Variants in SPATA16 observed in about 807,000 individuals in gnomAD.
The protein encoded by SPATA16 is spermatogenesis associated 16, also known as spermatogenesis-associated protein 16.
SPATA16 carries 36 observed loss-of-function variants against 63.3 expected under a neutral mutation model. The observed-to-expected ratio is 0.57, with a 90% CI of 0.44 to 0.75. SPATA16 has a LOEUF of 0.75. Among genes scored for constraint, SPATA16 ranks in the 30% least tolerant of loss-of-function variants. The pLI, the probability that SPATA16 is intolerant of heterozygous loss-of-function variation, is 0.00. For missense variants in SPATA16, 646 were observed against 679.3 expected, an observed-to-expected ratio of 0.95 and a Z score of 0.54; for synonymous variants, 203 against 216.7, an observed-to-expected ratio of 0.94 and a Z score of 0.56.
intron 5 of SPATA16, among the ~76,000 whole-genome samples, chr3:172,961,327 G>A (rs73175082): frequency 0.13 from 19,844 of 152,164 alleles, 1,656 homozygotes; most frequent in Non-Finnish European, 0.19. Flanking sequence ...TAGAAGATTA[G>A]ATCTGGAAGG....
At chr3:172,948,116 C>A (rs74827099) in intron 6 of SPATA16, among the ~76,000 whole-genome samples, 13,238 of 151,936 alleles carry the variant, frequency 0.087, 1,921 homozygotes, top group African/African-American at 0.3. Flanking sequence ...AAAAATATCA[C>A]TATTCAAGTA....
At chr3:173,008,987 C>G (rs1286082108) in intron 4 of SPATA16, among the ~76,000 whole-genome samples, 14 of 152,104 alleles carry the variant, frequency 9.2e-5, no homozygotes, top group Admixed American at 9.2e-4. Flanking sequence ...TTTTAGCAAA[C>G]TTTAAAATTC....
chr3:173,094,820 T>G (rs2108321785), intron 2 of SPATA16, among the ~76,000 whole-genome samples: 1 of 152,252 alleles, frequency 6.6e-6, no homozygotes, highest in South Asian at 2.1e-4. Flanking sequence ...CCATCTCCAG[T>G]CAGCCTCGGA....
chr3:173,061,007 C>T (rs557482602), intron 2 of SPATA16, among the ~76,000 whole-genome samples: 4 of 152,236 alleles, frequency 2.6e-5, no homozygotes, highest in African/African-American at 9.6e-5. Context: ...TCTAGGTTCT[C>T]CTGCAACTCA....
chr3:173,002,084 A>G (rs1026785969), intron 4 of SPATA16, among the ~76,000 whole-genome samples: 3 of 152,128 alleles, frequency 2.0e-5, no homozygotes, highest in East Asian at 3.8e-4. Flanking sequence ...ATAGATATTC[A>G]TTTAATTCTA....
chr3:172,959,299 A>G (rs73175080), intron 5 of SPATA16, among the ~76,000 whole-genome samples: 8,630 of 152,318 alleles, frequency 0.057, 349 homozygotes, highest in Non-Finnish European at 0.079. Flanking sequence ...GCTTTTAAAA[A>G]AGTGGCAGAA....
At chr3:173,040,117 T>C (rs1326058867) in intron 3 of SPATA16, among the ~76,000 whole-genome samples, 1 of 152,228 alleles carries the variant, frequency 6.6e-6, no homozygotes, top group Non-Finnish European at 1.5e-5. Context: ...TCTTCTCTTC[T>C]TCCTCCTCCT....
In SPATA16 at chr3:172,913,716, T is replaced by C; in HGVS notation, c.1532A>G (p.Asp511Gly). 1 of 1,613,810 alleles carries C rather than the reference T, an allele frequency of 6.2e-7. No homozygotes were observed. The highest frequency in any genetic ancestry group is 8.5e-7 in the Non-Finnish European group (1 of 1,179,810). The stretch of plus-strand genomic sequence containing the variant: ...ATTGTTTCTTCTTCCTTCAAGGGTG[T>C]CCATAGCATCTGCCATTAGTGACTG... Reference protein sequence around the residue: ...LLQSLMADAMDTLEGRRNNNE... With the variant: ...LLQSLMADAMGTLEGRRNNNE... Residue 511 changes from aspartate to glycine, a missense_variant, in exon 10 of 11, where the codon GAC (aspartate) becomes GGC (glycine). Coordinates refer to ENST00000351008, the MANE Select transcript of SPATA16 (RefSeq NM_031955.6).
intron 4 of SPATA16, among the ~76,000 whole-genome samples, chr3:173,000,460 A>G (rs1388483687): frequency 6.6e-6 from 1 of 152,184 alleles, no homozygotes; most frequent in Non-Finnish European, 1.5e-5. Flanking sequence ...TTGCTCCTCT[A>G]TAATTAAATC....
At chr3:173,072,677 T>A (rs1158230587) in intron 2 of SPATA16, among the ~76,000 whole-genome samples, 3 of 152,206 alleles carry the variant, frequency 2.0e-5, no homozygotes, top group Admixed American at 2.0e-4. Flanking sequence ...GTGAGTCCAC[T>A]AGATCTCTTT....
intron 10 of SPATA16, among the ~76,000 whole-genome samples, chr3:172,900,215 C>T (rs946926522): frequency 7.9e-5 from 12 of 152,224 alleles, no homozygotes; most frequent in Middle Eastern, 3.4e-3. Context: ...CAATTCTTTT[C>T]TTTTAGTGCT....
chr3:172,889,624 A>C lies in SPATA16; in HGVS notation c.1656T>G (p.Thr552=). The C allele has an allele frequency of 1.9e-6, 3 of 1,613,892 alleles. No individual in the cohort carries two copies. Among genetic ancestry groups the C allele is most frequent in the South Asian group, 2.2e-5 (2 of 91,080 alleles). ...DSFLKTKKLR[T]ARRQKTKMKR... is the part of the protein sequence containing the mutation. ...TCATTTTTGTTTTTTGCCTTCGAGCAGTTCTCAGTTTTTTAGTTTTTAAGA... is the reference window on the plus strand; with the variant it reads ...TCATTTTTGTTTTTTGCCTTCGAGCCGTTCTCAGTTTTTTAGTTTTTAAGA... Residue 552 remains threonine, a synonymous_variant, in exon 11 of 11, where the codon ACT becomes ACG. Coordinates refer to ENST00000351008, the MANE Select transcript of SPATA16 (RefSeq NM_031955.6).
intron 4 of SPATA16, among the ~76,000 whole-genome samples, chr3:173,018,094 T>TA (rs1735233726): frequency 6.6e-6 from 1 of 152,148 alleles, no homozygotes; most frequent in Admixed American, 6.5e-5. Flanking sequence ...AAAGACCTTT[T>TA]AAAAACTGTT....
At chr3:173,028,050 C>T (rs1560101087) in intron 3 of SPATA16, among the ~76,000 whole-genome samples, 1 of 117,238 alleles carries the variant, frequency 8.5e-6, no homozygotes, top group African/African-American at 3.4e-5. Context: ...TTCCTTCCTT[C>T]CTTCCTTCCT....
At chr3:172,998,524 C>A (rs1023331582) in intron 4 of SPATA16, among the ~76,000 whole-genome samples, 11 of 152,152 alleles carry the variant, frequency 7.2e-5, no homozygotes, top group African/African-American at 2.6e-4. Context: ...ATGTGTATGC[C>A]TTTTATTTCC....
At chr3:173,038,764 C>G (rs2108288251) in intron 3 of SPATA16, among the ~76,000 whole-genome samples, 1 of 152,246 alleles carries the variant, frequency 6.6e-6, no homozygotes, top group South Asian at 2.1e-4. Flanking sequence ...AAATTTCAGG[C>G]TGGTCACTTG....
chr3:172,983,138 A>G (rs1475980876), intron 4 of SPATA16, among the ~76,000 whole-genome samples: 1 of 152,204 alleles, frequency 6.6e-6, no homozygotes, highest in Admixed American at 6.5e-5. Context: ...CCAGAGTTTC[A>G]GAGCCATAAA....
At chr3:173,086,747 C>T (rs1661283754) in intron 2 of SPATA16, among the ~76,000 whole-genome samples, 1 of 152,194 alleles carries the variant, frequency 6.6e-6, no homozygotes, top group East Asian at 1.9e-4. Flanking sequence ...TCTTTGTTCT[C>T]ATTAGTTTCA....
intron 5 of SPATA16, among the ~76,000 whole-genome samples, chr3:172,961,596 T>C (rs1363381326): frequency 6.6e-6 from 1 of 152,122 alleles, no homozygotes; most frequent in Non-Finnish European, 1.5e-5. Context: ...GGTTTCACCA[T>C]GTTAGTCAGG....
Sources: gnomAD v4.1 joint callset for allele counts (sites outside exome capture counted in the v4.1 genomes callset) on GRCh38, gnomAD v4.1.1 for gene constraint, MANE v1.5 for transcripts, NCBI Gene and HGNC (gene_info 2026-07-23, HGNC 2026-07-21) for gene names.